CPVL: variants seen among roughly 807,000 people sequenced by gnomAD.
CPVL encodes the protein probable serine carboxypeptidase CPVL.
Under a neutral mutation model 63.7 loss-of-function variants are expected in CPVL, and 51 were observed. The observed-to-expected ratio is 0.80, with a 90% CI of 0.64 to 1.01. The LOEUF (loss-of-function observed/expected upper bound fraction) is 1.01. CPVL is among the 50% of genes least tolerant of loss of function. The probability of loss-of-function intolerance (pLI) is 0.00; values close to 1 mark genes in which losing one functional copy is unlikely to be tolerated. For missense variants in CPVL, 530 were observed against 573.1 expected (o/e 0.92, Z 0.77); for synonymous variants, 195 against 206.0 (o/e 0.95, Z 0.46).
At chr7:29,052,969 T>C (rs1415937970) in intron 11 of CPVL, among the ~76,000 whole-genome samples, 1 of 151,980 alleles carries the variant, frequency 6.6e-6, no homozygotes, top group African/African-American at 2.4e-5. Context: ...AATAACCCAA[T>C]TAATTAGCAA....
At chr7:29,078,267 T>C (rs971846480) in intron 7 of CPVL, among the ~76,000 whole-genome samples, 2 of 152,170 alleles carry the variant, frequency 1.3e-5, no homozygotes, top group African/African-American at 4.8e-5. Context: ...TATGCAAAAA[T>C]ACATGCTGCT....
At chr7:29,167,283 C>T (rs1796039853) in intron 5 of CPVL, among the ~76,000 whole-genome samples, 1 of 152,048 alleles carries the variant, frequency 6.6e-6, no homozygotes, top group African/African-American at 2.4e-5. Context: ...TCTAGGCTTA[C>T]TTTTTTCATT....
At chr7:29,123,719 T>C (rs1233142881) in intron 1 of CPVL, among the ~76,000 whole-genome samples, 7 of 132,788 alleles carry the variant, frequency 5.3e-5, no homozygotes, top group Admixed American at 3.2e-4. Context: ...TTTTTTTTTT[T>C]CCCCTGGGGA....
intron 12 of CPVL, among the ~76,000 whole-genome samples, chr7:29,020,816 C>T (rs1175237579): frequency 6.6e-6 from 1 of 151,824 alleles, no homozygotes; most frequent in African/African-American, 2.4e-5. Flanking sequence ...ATTGTTAAAC[C>T]TCAGGCAAGA....
intron 11 of CPVL, among the ~76,000 whole-genome samples, chr7:29,043,365 C>CCTTTG (rs1441600991): frequency 6.6e-6 from 1 of 152,094 alleles, no homozygotes; most frequent in Non-Finnish European, 1.5e-5. Flanking sequence ...CAAAGCCACC[C>CCTTTG]CATTACCTTG....
intron 3 of CPVL, among the ~76,000 whole-genome samples, chr7:29,110,993 A>C (rs1788171443): frequency 6.6e-6 from 1 of 152,244 alleles, no homozygotes; most frequent in South Asian, 2.1e-4. Flanking sequence ...AGAGGCAAGA[A>C]AAGAGATTCT....
chr7:28,998,665 A>C (rs1005740853), intron 12 of CPVL, among the ~76,000 whole-genome samples: 2 of 151,078 alleles, frequency 1.3e-5, no homozygotes, highest in African/African-American at 2.5e-5. Flanking sequence ...CTATATTGAA[A>C]ATCCAGAATC....
At chr7:29,174,896 G>C (rs2128731187) in intron 5 of CPVL, among the ~76,000 whole-genome samples, 1 of 150,794 alleles carries the variant, frequency 6.6e-6, no homozygotes, top group East Asian at 1.9e-4. Flanking sequence ...GAGAGATACA[G>C]GAACAAGAAG....
chr7:29,045,205 C>T (rs995797532), intron 11 of CPVL, among the ~76,000 whole-genome samples: 3 of 152,056 alleles, frequency 2.0e-5, no homozygotes, highest in African/African-American at 7.2e-5. Context: ...TTAGGTGAAT[C>T]GAAATCAATT....
At chr7:29,088,549 T>C (rs936705871) in intron 6 of CPVL, among the ~76,000 whole-genome samples, 2 of 152,164 alleles carry the variant, frequency 1.3e-5, no homozygotes, top group African/African-American at 2.4e-5. Flanking sequence ...TTTAGTAAAT[T>C]AGATTTACAT....
Position 29,018,265 on chromosome 7 carries a change from A to G in CPVL, c.1320+12312T>C, listed in dbSNP as rs143988724. Among the ~76,000 whole-genome samples, 78 of 152,252 alleles carry G rather than the reference A, an allele frequency of 5.1e-4. 1 individual carries two copies. The East Asian group carries it at 0.011, about 22-fold the overall frequency. On this transcript the variant is annotated intron_variant, in intron 12 of 12. Coordinates refer to ENST00000265394, the MANE Select transcript of CPVL (RefSeq NM_031311.5). ...ATTTTCAATAAAATAACGATGAAAA[A>G]AACAGAAGTGTTTTCTTTCTCCAGG...
intron 12 of CPVL, among the ~76,000 whole-genome samples, chr7:29,017,152 A>G (rs1786493791): frequency 6.6e-6 from 1 of 152,172 alleles, no homozygotes; most frequent in South Asian, 2.1e-4. Flanking sequence ...TATGAGCCAG[A>G]CTATGCACTC....
intron 1 of CPVL, among the ~76,000 whole-genome samples, chr7:29,141,096 A>G (rs1383674062): frequency 1.3e-5 from 2 of 152,200 alleles, no homozygotes; most frequent in African/African-American, 4.8e-5. Context: ...GCAACAACCA[A>G]TTGTGCAATG....
intron 3 of CPVL, among the ~76,000 whole-genome samples, chr7:29,100,554 T>TG (rs1487147954): frequency 6.6e-6 from 1 of 152,196 alleles, no homozygotes; most frequent in Non-Finnish European, 1.5e-5. Context: ...TCCTGTGACC[T>TG]GGCACAATGA....
chr7:29,018,268 CA>C (rs1190924651), intron 12 of CPVL, among the ~76,000 whole-genome samples: 1 of 150,016 alleles, frequency 6.7e-6, no homozygotes, highest in Non-Finnish European at 1.5e-5. Flanking sequence ...ATGAAAAAAA[CA>C]GAAGTGTTTT....
At chr7:29,021,839 C>T (rs1209149716) in intron 12 of CPVL, among the ~76,000 whole-genome samples, 12 of 152,152 alleles carry the variant, frequency 7.9e-5, no homozygotes, top group Admixed American at 6.5e-4. Flanking sequence ...CCAATACCCA[C>T]TACATATCTA....
rs1784041939 is a variant in CPVL, at chr7:29,074,470, G to A, written c.610-2047C>T. Among the ~76,000 whole-genome samples, 4 of 152,084 alleles carry A rather than the reference G, an allele frequency of 2.6e-5. No individual in the cohort carries two copies. The South Asian group carries it at 8.3e-4, about 31-fold the overall frequency. ...ATTTCCCTGAGTAACCATTTTACTG[G>A]TAAAAATGTATTGTTATATAGTCTT... On this transcript the variant is annotated intron_variant, in intron 7 of 12. Coordinates refer to ENST00000265394, the MANE Select transcript of CPVL (RefSeq NM_031311.5).
intron 5 of CPVL, among the ~76,000 whole-genome samples, chr7:29,094,613 A>G (rs1214984918): frequency 6.6e-6 from 1 of 152,078 alleles, no homozygotes; most frequent in African/African-American, 2.4e-5. Context: ...TTGGGAGGCC[A>G]AGGCAGGTGG....
chr7:29,103,137 G>A (rs1452560559), intron 3 of CPVL, among the ~76,000 whole-genome samples: 3 of 116,122 alleles, frequency 2.6e-5, no homozygotes, highest in African/African-American at 6.7e-5. Flanking sequence ...ATAACCTTCT[G>A]CTCAGACCAT....
Sources: gnomAD v4.1 joint callset for allele counts (sites outside exome capture counted in the v4.1 genomes callset) on GRCh38, gnomAD v4.1.1 for gene constraint, MANE v1.5 for transcripts, NCBI Gene and HGNC (gene_info 2026-07-23, HGNC 2026-07-21) for gene names.